Variants in CCDC59 observed in about 807,000 individuals in gnomAD.
The protein encoded by CCDC59 is coiled-coil domain containing 59, also known as thyroid transcription factor 1-associated protein 26.
A neutral mutation model predicts 30.5 loss-of-function variants in CCDC59; 27 were observed. That is an observed-to-expected ratio of 0.89 (90% CI 0.65 to 1.22). The LOEUF (loss-of-function observed/expected upper bound fraction) is 1.22, where lower values mean the gene tolerates loss of function less well. CCDC59 is among the 50% of genes most tolerant of loss of function. The pLI, the probability that CCDC59 is intolerant of heterozygous loss-of-function variation, is 0.00. For synonymous variants in CCDC59, 125 were observed against 100.9 expected, an observed-to-expected ratio of 1.24 and a Z score of -1.43; for missense variants, 362 against 284.4, an observed-to-expected ratio of 1.27 and a Z score of -1.96.
Position 82,357,178 on chromosome 12 carries a change from T to C in CCDC59, c.246A>G (p.Glu82=). ...CTGGGTATCGATCTGTGAATTGAGA[T>C]TCCAGTGACGTTTGAGCCTTCTTTT... ...RKEKKAQTSL[E]SQFTDRYPDN... Residue 82 remains glutamate (E), a synonymous_variant, in exon 2 of 4, where the codon GAA becomes GAG. Coordinates refer to ENST00000256151, the MANE Select transcript of CCDC59 (RefSeq NM_014167.5). 3 of 1,614,146 alleles carry C rather than the reference T, an allele frequency of 1.9e-6. No homozygotes were observed. Among genetic ancestry groups the C allele is most frequent in the Non-Finnish European group, 2.5e-6 (3 of 1,179,954 alleles).
Position 82,353,144 on chromosome 12 carries a change from A to T in CCDC59, c.*7T>A. ...AGCAGATATTTTAACCTGTAGGAAC[A>T]AAATGTTTAACATTTTTCTTGTATT... On this transcript the variant is annotated 3_prime_UTR_variant, in exon 4 of 4. Transcript: ENST00000256151. 1.3e-6 allele frequency: 2 copies of T among 1,597,544 alleles called. No individual in the cohort carries two copies. Among genetic ancestry groups the T allele is most frequent in the Non-Finnish European group, 1.7e-6 (2 of 1,174,684 alleles).
upstream of CCDC59, chr12:82,358,795 G>T: frequency 6.2e-7 from 1 of 1,613,316 alleles, no homozygotes; most frequent in Non-Finnish European, 8.5e-7. Context: ...TCAGAGACGC[G>T]CCCCCTAGTG....
At chr12:82,356,896 A>T in intron 2 of CCDC59, 64 bp downstream of exon 2, 1 of 1,254,322 alleles carries the variant, frequency 8.0e-7, no homozygotes, top group South Asian at 1.5e-5. Flanking sequence ...TATATAAATT[A>T]TCCTATAGTA....
chr12:82,354,984 TG>T (rs1456433220), intron 2 of CCDC59: 1 of 157,138 alleles, frequency 6.4e-6, no homozygotes, highest in Non-Finnish European at 1.4e-5. Flanking sequence ...CATTTTGAAC[TG>T]TTCTATCTTT....
At chr12:82,356,137 G>A (rs1881002123) in intron 2 of CCDC59, 1 of 152,036 alleles carries the variant, frequency 6.6e-6, no homozygotes, top group Non-Finnish European at 1.5e-5. Flanking sequence ...TAAAAGATAC[G>A]GTTTTAATGA....
intron 2 of CCDC59, chr12:82,356,716 G>A (rs1209525611): frequency 1.4e-5 from 5 of 360,588 alleles, no homozygotes; most frequent in Non-Finnish European, 5.0e-6. Flanking sequence ...CTGTACTTGA[G>A]AGGAAGAAAC....
chr12:82,358,755 AAGTCAGCGTCGG>A, upstream of CCDC59: 1 of 1,613,880 alleles, frequency 6.2e-7, no homozygotes, highest in Non-Finnish European at 8.5e-7. Context: ...TGCGCTGAGG[AAGTCAGCGTCGG>A]AGACGGAGGC....
At position 82,353,261 on chromosome 12, in the gene CCDC59, T is replaced by A. The variant is rs1335962653; in HGVS notation, c.616A>T (p.Lys206Ter). The A allele has an allele frequency of 6.2e-7, 1 of 1,613,042 alleles. No homozygotes were observed. Among genetic ancestry groups the A allele is most frequent in the Non-Finnish European group, 8.5e-7 (1 of 1,179,592 alleles). Residue 206 changes from lysine to a stop codon, truncating the protein, a stop_gained, in exon 4 of 4, where the codon AAG becomes TAG. Coordinates refer to ENST00000256151, the MANE Select transcript of CCDC59 (RefSeq NM_014167.5). LOFTEE classifies it high-confidence loss of function. ...ATTTTAAACACTTCCATTTTCTTCT[T>A]TTTGTACTGCCTTTGGGCTTCTTCT... ...EREEAQRQYK[K>*]KKMEVFKILN...
intron 1 of CCDC59, among the ~76,000 whole-genome samples, chr12:82,357,956 G>A (rs1379410868): frequency 2.0e-5 from 3 of 152,166 alleles, no homozygotes; most frequent in Non-Finnish European, 4.4e-5. Flanking sequence ...GACTCTCTCT[G>A]CTCAGTTTCT....
At chr12:82,357,700 A>G (rs1881144929) in intron 1 of CCDC59, among the ~76,000 whole-genome samples, 1 of 152,250 alleles carries the variant, frequency 6.6e-6, no homozygotes, top group Non-Finnish European at 1.5e-5. Flanking sequence ...AACACGAAAG[A>G]AAAAGACAGT....
intron 1 of CCDC59, 188 bp from the exon 2 acceptor site, chr12:82,357,457 T>G: frequency 1.7e-6 from 1 of 586,228 alleles, no homozygotes; most frequent in Non-Finnish European, 3.0e-6. Flanking sequence ...GTTGGCCCTT[T>G]GCAAAAAGAC....
chr12:82,358,524 C>G (rs201085808), upstream of CCDC59: 592 of 1,599,914 alleles, frequency 3.7e-4, 4 homozygotes, highest in African/African-American at 7.4e-3. Context: ...TGGCGCCTCA[C>G]GGCCATGTTT....
rs1880879753 is a variant in CCDC59, at chr12:82,353,188, AT to A, written c.688del (p.Met230TrpfsTer20). 3 of 1,608,730 alleles carry A rather than the reference AT, an allele frequency of 1.9e-6. No individual in the cohort carries two copies. Among genetic ancestry groups the A allele is most frequent in the Non-Finnish European group, 2.5e-6 (3 of 1,178,774 alleles). ...KKGQPNLNVQ[M>X]EYLLQKIQEK... ...TTGTATTTTTTGAAGAAGGTACTCC[AT>A]TTGTACATTCAAGTTTGGTTGGCCC... On this transcript the variant is annotated frameshift_variant, in exon 4 of 4. Coordinates refer to ENST00000256151, the MANE Select transcript of CCDC59 (RefSeq NM_014167.5). LOFTEE classifies it high-confidence loss of function.
At chr12:82,356,914 A>G (rs781269803) in intron 2 of CCDC59, 46 bp downstream of exon 2, 1 of 1,429,500 alleles carries the variant, frequency 7.0e-7, no homozygotes, top group Non-Finnish European at 9.6e-7. Context: ...GTACTTTTAA[A>G]TAATAAAACA....
chr12:82,354,641 C>A (rs1477515301), intron 2 of CCDC59, 47 bp from the exon 3 acceptor site: 1 of 1,498,066 alleles, frequency 6.7e-7, no homozygotes, highest in African/African-American at 1.4e-5. Flanking sequence ...GTAAAATGTC[C>A]AAAAAGGTAT....
rs61737397 is a variant in CCDC59, at chr12:82,358,301, C to T, written c.76G>A (p.Gly26Arg). 0.016 allele frequency: 25,757 copies of T among 1,614,148 alleles called. 257 individuals carry two copies. Among genetic ancestry groups the T allele is most frequent in the Non-Finnish European group, 0.019 (22,839 of 1,180,030 alleles). The change falls in exon 1 of 4, where the codon GGG becomes AGG. Residue 26 changes from glycine (G) to arginine (R), a missense_variant. By Grantham distance (125) the Gly-to-Arg change is moderately radical (BLOSUM62 -2). Transcript: ENST00000256151. Reference protein sequence around the residue: ...EARGEGVSTVGYRNKNVRQKT... With the variant: ...EARGEGVSTVRYRNKNVRQKT... Reference sequence around the variant, plus strand: ...TGTCTCACATTCTTATTCCTGTACCCGACAGTGGAAACCCCTTCACCACGC... The same window carrying T: ...TGTCTCACATTCTTATTCCTGTACCTGACAGTGGAAACCCCTTCACCACGC...
At chr12:82,358,759 C>T (rs201472175), upstream of CCDC59, 26 of 1,613,944 alleles carry the variant, frequency 1.6e-5, no homozygotes, top group Non-Finnish European at 2.2e-5. Context: ...CTGAGGAAGT[C>T]AGCGTCGGAG....
Position 82,354,613 on chromosome 12 carries a change from G to A in CCDC59, c.465-19C>T, listed in dbSNP as rs1880947224. 1 of 1,553,444 alleles carries A rather than the reference G, an allele frequency of 6.4e-7. No individual in the cohort carries two copies. Among genetic ancestry groups the A allele is most frequent in the African/African-American group, 1.4e-5 (1 of 72,878 alleles). On this transcript the variant is annotated intron_variant, in intron 2 of 3. Coordinates refer to ENST00000256151, the MANE Select transcript of CCDC59 (RefSeq NM_014167.5). ...AAAGGAGCTTTTAATTGGGGGATGAGGAAACAGGACTTTATTAGTAAAATG... is the reference window on the plus strand; with the variant it reads ...AAAGGAGCTTTTAATTGGGGGATGAAGAAACAGGACTTTATTAGTAAAATG...
At chr12:82,356,841 A>C in intron 2 of CCDC59, 119 bp downstream of exon 2, 1 of 778,228 alleles carries the variant, frequency 1.3e-6, no homozygotes, top group Non-Finnish European at 1.9e-6. Flanking sequence ...TCCCTAATTA[A>C]ACCGTGACTT....
Sources: gnomAD v4.1 joint callset for allele counts (sites outside exome capture counted in the v4.1 genomes callset) on GRCh38, gnomAD v4.1.1 for gene constraint, MANE v1.5 for transcripts, NCBI Gene and HGNC (gene_info 2026-07-23, HGNC 2026-07-21) for gene names.